The following PIAS1 variants were observed in gnomAD, a reference collection of about 807,000 sequenced individuals.
PIAS1 encodes protein inhibitor of activated STAT 1.
A neutral mutation model predicts 71.3 loss-of-function variants in PIAS1; 6 were observed. The observed-to-expected ratio is 0.08, with a 90% confidence interval of 0.05 to 0.17. The LOEUF (loss-of-function observed/expected upper bound fraction) is 0.17, where lower values mean the gene tolerates loss of function less well. Ranked by LOEUF, PIAS1 falls within the 10% of genes least tolerant of loss-of-function variation. The pLI is 1.00. For synonymous variants in PIAS1, 303 were observed against 292.9 expected, an observed-to-expected ratio of 1.03 and a Z score of -0.35; for missense variants, 555 against 793.6, an observed-to-expected ratio of 0.70 and a Z score of 3.61.
At chr15:68,120,496 G>A (rs781318739) in intron 2 of PIAS1, among the ~76,000 whole-genome samples, 2 of 151,590 alleles carry the variant, frequency 1.3e-5, no homozygotes, top group South Asian at 4.2e-4. Flanking sequence ...ACTCTTTGTT[G>A]TGTTATTTTA....
chr15:68,124,249 A>G (rs376962704), intron 2 of PIAS1, among the ~76,000 whole-genome samples: 7 of 152,324 alleles, frequency 4.6e-5, no homozygotes, highest in East Asian at 3.9e-4. Context: ...GGCTATAACT[A>G]TGTAAAGAAG....
chr15:68,125,165 T>A (rs977178095), intron 2 of PIAS1, among the ~76,000 whole-genome samples: 1 of 152,142 alleles, frequency 6.6e-6, no homozygotes, highest in Non-Finnish European at 1.5e-5. Context: ...TCTTTTTTTT[T>A]CCCCCTGTGT....
In PIAS1 at chr15:68,132,997, G is replaced by A. The variant is rs374902634; in HGVS notation, c.470-8949G>A. On this transcript the variant is annotated intron_variant, in intron 2 of 13. Transcript: ENST00000249636. ...TCTTTTCTTTTCTTTTTTTTTTTCC[G>A]AAAAAAGCCAGTAGCTTTATGTATT... 1.3e-4 allele frequency among the ~76,000 whole-genome samples: 19 copies of A among 145,326 alleles called. No homozygotes were observed. The East Asian group carries it at 2.4e-3, about 18-fold the overall frequency.
At chr15:68,105,307 A>G (rs2092459505) in intron 2 of PIAS1, among the ~76,000 whole-genome samples, 1 of 152,212 alleles carries the variant, frequency 6.6e-6, no homozygotes, top group African/African-American at 2.4e-5. Flanking sequence ...TAGATAAGTA[A>G]ATCAGGCCAT....
chr15:68,151,816 C>T lies in PIAS1; in HGVS notation c.829-1774C>T, dbSNP rs546161226. Among the ~76,000 whole-genome samples the T allele has an allele frequency of 1.1e-4, 17 of 151,168 alleles. No individual in the cohort carries two copies. In the South Asian group the frequency reaches 2.5e-3, roughly 22 times the overall value. ...TGGAGGTTGCAGGGAGCCGAGATTG[C>T]GCCACTGCACTCCGGCCTGGGTGAC... On this transcript the variant is annotated intron_variant, in intron 6 of 13. Transcript: ENST00000249636.
intron 2 of PIAS1, among the ~76,000 whole-genome samples, chr15:68,139,669 A>G (rs2092756905): frequency 6.6e-6 from 1 of 152,200 alleles, no homozygotes; most frequent in South Asian, 2.1e-4. Flanking sequence ...TAGGAAAAAT[A>G]AGAGTTTAAA....
At chr15:68,058,622 T>C (rs1365204974) in intron 1 of PIAS1, among the ~76,000 whole-genome samples, 5 of 152,236 alleles carry the variant, frequency 3.3e-5, no homozygotes, top group Non-Finnish European at 5.9e-5. Context: ...TAGGGTATTT[T>C]TGGATATTCT....
intron 13 of PIAS1, chr15:68,184,221 A>C (rs2093073406): frequency 6.6e-6 from 1 of 152,380 alleles, no homozygotes; most frequent in Non-Finnish European, 1.5e-5. Flanking sequence ...AAAAAAATTA[A>C]GTGATTAAGG....
chr15:68,187,958 T>A lies in PIAS1; in HGVS notation c.*123T>A. On this transcript the variant is annotated 3_prime_UTR_variant, in exon 14 of 14. Transcript: ENST00000249636. This position sits in a 1 kb window ranked among gnomAD's most constrained non-coding sequence, Gnocchi z 5.3. ...AAGTATACAAGCGTGTTTTTTTTCCTTTTTTTAGGGAAAAAATTAAAAGAA... is the reference window on the plus strand; with the variant it reads ...AAGTATACAAGCGTGTTTTTTTTCCATTTTTTAGGGAAAAAATTAAAAGAA... The A allele has an allele frequency of 4.9e-6, 4 of 817,936 alleles. No individual in the cohort carries two copies. The highest frequency in any genetic ancestry group is 5.6e-6 in the Non-Finnish European group (3 of 535,856). 50.7% of individuals were successfully genotyped at this position (817,936 alleles called of 1,614,324 possible).
intron 1 of PIAS1, among the ~76,000 whole-genome samples, chr15:68,084,291 A>C (rs1045025194): frequency 6.6e-6 from 1 of 152,024 alleles, no homozygotes; most frequent in Non-Finnish European, 1.5e-5. Context: ...TGCCAACTTA[A>C]ATTTATTTTT....
intron 8 of PIAS1, among the ~76,000 whole-genome samples, chr15:68,165,516 A>G (rs981798897): frequency 6.6e-6 from 1 of 152,228 alleles, no homozygotes; most frequent in African/African-American, 2.4e-5. Context: ...TGACCACATT[A>G]TAACAATTCA....
In PIAS1 at chr15:68,186,095, A is replaced by G. The variant is rs557953460; in HGVS notation, c.1663-1447A>G. On this transcript the variant is annotated intron_variant, in intron 13 of 13. Coordinates refer to ENST00000249636, the MANE Select transcript of PIAS1 (RefSeq NM_016166.3). This position sits in a 1 kb window ranked among gnomAD's most constrained non-coding sequence, Gnocchi z 4.4. Reference sequence around the variant, plus strand: ...TAAAAAAGAAACCAAGCCAAACACCATGGACATATTTCTGAAAAGAGTGAC... The same window carrying G: ...TAAAAAAGAAACCAAGCCAAACACCGTGGACATATTTCTGAAAAGAGTGAC... 1.3e-5 allele frequency among the ~76,000 whole-genome samples: 2 copies of G among 152,314 alleles called. No individual in the cohort carries two copies. The highest frequency in any genetic ancestry group is 2.4e-5 in the African/African-American group (1 of 41,562).
rs2093121372 is a variant in PIAS1 at position 68,191,761 on chromosome 15, C to G, written c.*3926C>G. ...AAACAACACTAGGTGCTAGAGAAAC[C>G]AGCTGGAATTTCAGGAATGAGCTTG... On this transcript the variant is annotated 3_prime_UTR_variant, in exon 14 of 14. Coordinates refer to ENST00000249636, the MANE Select transcript of PIAS1 (RefSeq NM_016166.3). 6.6e-6 allele frequency: 1 copy of G among 152,174 alleles called. No homozygotes were observed. Among genetic ancestry groups the G allele is most frequent in the Non-Finnish European group, 1.5e-5 (1 of 68,030 alleles). 9.4% of individuals were successfully genotyped at this position (152,174 alleles called of 1,614,324 possible).
In PIAS1 at chr15:68,115,236, A is replaced by G. The variant is rs370967440; in HGVS notation, c.470-26710A>G. Among the ~76,000 whole-genome samples the G allele has an allele frequency of 8.7e-4, 132 of 152,246 alleles. 2 individuals are homozygous for G. Among genetic ancestry groups the G allele is most frequent in the South Asian group, 7.0e-3 (34 of 4,830 alleles). On this transcript the variant is annotated intron_variant, in intron 2 of 13. Transcript: ENST00000249636. ...GTGGACATATGTTTTCAGCTCCTTTAGGTAAATACTAAGGAGTGTGATTGT... is the reference window on the plus strand; with the variant it reads ...GTGGACATATGTTTTCAGCTCCTTTGGGTAAATACTAAGGAGTGTGATTGT...
At chr15:68,179,218 C>T in intron 11 of PIAS1, among the ~76,000 whole-genome samples, 1 of 152,158 alleles carries the variant, frequency 6.6e-6, no homozygotes. Flanking sequence ...AAGCATGCAG[C>T]CAGGAATTAG....
At chr15:68,121,381 T>A (rs1021837208) in intron 2 of PIAS1, among the ~76,000 whole-genome samples, 3 of 152,132 alleles carry the variant, frequency 2.0e-5, no homozygotes, top group Admixed American at 6.6e-5. Flanking sequence ...ATATATTTCC[T>A]TTGTCTTTTT....
In PIAS1 at chr15:68,098,995, A is replaced by G. The variant is rs192517169; in HGVS notation, c.469+12245A>G. 1.1e-3 allele frequency among the ~76,000 whole-genome samples: 168 copies of G among 152,216 alleles called. 1 individual carries two copies. The highest frequency in any genetic ancestry group is 3.9e-3 in the African/African-American group (163 of 41,554). ...TAATTTATAATCTTACAGGCTCTGT[A>G]AGAGACTGTTTTTTCCTCCTGTGCC... On this transcript the variant is annotated intron_variant, in intron 2 of 13. Transcript: ENST00000249636.
chr15:68,154,478 A>G (rs1210615670), intron 7 of PIAS1, among the ~76,000 whole-genome samples: 2 of 152,122 alleles, frequency 1.3e-5, no homozygotes, highest in Non-Finnish European at 2.9e-5. Context: ...TCCTTTAAGG[A>G]CTTTTGATGT....
intron 7 of PIAS1, among the ~76,000 whole-genome samples, chr15:68,161,614 T>A (rs4777023): frequency 6.6e-6 from 1 of 151,790 alleles, no homozygotes; most frequent in African/African-American, 2.4e-5. Context: ...TAATATTTAT[T>A]GAGAATAATA....
Sources: allele counts gnomAD v4.1 joint callset (sites outside exome capture counted in the v4.1 genomes callset), GRCh38; gene constraint gnomAD v4.1.1; non-coding constraint Gnocchi (gnomAD v3.1); transcripts MANE v1.5; gene names NCBI Gene and HGNC (gene_info 2026-07-23, HGNC 2026-07-21).